ENTPD1: variants seen among roughly 807,000 people sequenced by gnomAD.
The protein encoded by ENTPD1 is ATP diphosphohydrolase.
In ENTPD1, 33 loss-of-function variants were observed where a neutral mutation model predicts 57.0. The observed-to-expected ratio is 0.58, with a 90% CI of 0.44 to 0.77. The LOEUF (loss-of-function observed/expected upper bound fraction) is 0.77. Among genes scored for constraint, ENTPD1 ranks in the 30% least tolerant of loss-of-function variants. ENTPD1 has a pLI of 0.00. For synonymous variants in ENTPD1, 202 were observed against 218.8 expected, an observed-to-expected ratio of 0.92 and a Z score of 0.68; for missense variants, 501 against 603.4, an observed-to-expected ratio of 0.83 and a Z score of 1.78.
Position 95,737,218 on chromosome 10 carries a change from C to T in ENTPD1, c.37+25225C>T, listed in dbSNP as rs544740679. 2.1e-5 allele frequency among the ~76,000 whole-genome samples: 3 copies of T among 146,246 alleles called. No homozygotes were observed. In the East Asian group the frequency reaches 5.9e-4, roughly 29 times the overall value. On this transcript the variant is annotated intron_variant, in intron 1 of 9. Transcript: ENST00000453258. ...AAATGGTTCCTGCCCTTGTGGAGCT[C>T]GTCTAGTGGGGGAGTAAGATATTAA...
rs2098481041 is a variant in ENTPD1, at chr10:95,872,029, A to T, written c.*5646A>T. 1.0e-6 allele frequency: 1 copy of T among 985,274 alleles called. No homozygotes were observed. Among genetic ancestry groups the T allele is most frequent in the African/African-American group, 1.7e-5 (1 of 57,232 alleles). The allele number at this position is 985,274 out of a possible 1,614,324, so 61.0% of individuals were successfully genotyped here. The stretch of plus-strand genomic sequence containing the variant: ...GATTAATGCCACCCCTGCCTCAATG[A>T]ACCAAGATCAGCTCCATCACTGGGA... On this transcript the variant is annotated 3_prime_UTR_variant, in exon 10 of 10. Coordinates refer to ENST00000371205, the MANE Select transcript of ENTPD1 (RefSeq NM_001776.6).
rs187713661 is a variant in ENTPD1, at chr10:95,853,440, T to C, written c.1074+5734T>C. Reference sequence around the variant, plus strand: ...CCCTTTATTTCCTTCTCCTGCCTGATTGCCCTGGCCAGAACTTCCAACACT... The same window carrying C: ...CCCTTTATTTCCTTCTCCTGCCTGACTGCCCTGGCCAGAACTTCCAACACT... On this transcript the variant is annotated intron_variant, in intron 7 of 9. Coordinates refer to ENST00000371205, the MANE Select transcript of ENTPD1 (RefSeq NM_001776.6). Among the ~76,000 whole-genome samples the C allele has an allele frequency of 6.4e-3, 980 of 152,296 alleles. 6 individuals are homozygous for C. Among genetic ancestry groups the C allele is most frequent in the African/African-American group, 0.022 (912 of 41,562 alleles).
At chr10:95,732,078 C>T (rs576354326) in intron 1 of ENTPD1, among the ~76,000 whole-genome samples, 35 of 151,768 alleles carry the variant, frequency 2.3e-4, no homozygotes, top group South Asian at 4.2e-4. Flanking sequence ...CCACTGTGTC[C>T]GGCCAGAGTG....
At chr10:95,727,474 T>C (rs2097984885) in intron 1 of ENTPD1, among the ~76,000 whole-genome samples, 1 of 152,218 alleles carries the variant, frequency 6.6e-6, no homozygotes, top group South Asian at 2.1e-4. Flanking sequence ...ATTTGTTTCA[T>C]TTATTACCCA....
At chr10:95,742,984 TAAATGAACC>T (rs975490166) in intron 1 of ENTPD1, among the ~76,000 whole-genome samples, 4 of 152,236 alleles carry the variant, frequency 2.6e-5, no homozygotes, top group African/African-American at 9.6e-5. Context: ...TTTGATACAA[TAAATGAACC>T]AATATTGATA....
intron 1 of ENTPD1, among the ~76,000 whole-genome samples, chr10:95,767,975 T>C (rs1038438805): frequency 6.6e-6 from 1 of 152,202 alleles, no homozygotes; most frequent in African/African-American, 2.4e-5. Context: ...GTGAGTTTGT[T>C]CTCTTGCTCT....
chr10:95,790,009 A>T (rs1028998392), intron 1 of ENTPD1, among the ~76,000 whole-genome samples: 3 of 152,230 alleles, frequency 2.0e-5, no homozygotes, highest in Non-Finnish European at 2.9e-5. Flanking sequence ...TAAACTTTGA[A>T]TAACAACATG....
chr10:95,739,666 C>T (rs970218676), intron 1 of ENTPD1, among the ~76,000 whole-genome samples: 1 of 152,172 alleles, frequency 6.6e-6, no homozygotes, highest in Non-Finnish European at 1.5e-5. Context: ...TCTATAAGGG[C>T]TGGAATTGAC....
chr10:95,860,344 A>G, intron 7 of ENTPD1, 125 bp from the exon 8 acceptor site: 1 of 750,016 alleles, frequency 1.3e-6, no homozygotes, highest in East Asian at 3.0e-5. Flanking sequence ...CTGCAATATC[A>G]CTTTGTGTGT....
Position 95,864,830 on chromosome 10 carries a change from ATTCCTG to A in ENTPD1, c.1296_1301del (p.Asp432_Trp434delinsGlu), listed in dbSNP as rs751421466. ...CTGCAAGGCTATCATTTCACAGCTG[ATTCCTG>A]GGAGCACATCCATTTCATTGGCAAG... On this transcript the variant is annotated inframe_deletion, in exon 9 of 10. Transcript: ENST00000371205. 1.9e-6 allele frequency: 3 copies of A among 1,612,572 alleles called. No homozygotes were observed. Among genetic ancestry groups the A allele is most frequent in the Non-Finnish European group, 1.7e-6 (2 of 1,179,828 alleles).
chr10:95,794,815 C>T (rs1437103634), intron 1 of ENTPD1, among the ~76,000 whole-genome samples: 1 of 151,988 alleles, frequency 6.6e-6, no homozygotes, highest in Admixed American at 6.6e-5. Context: ...AGGGAATGTT[C>T]TAGGCAGAGT....
chr10:95,872,438 G>T lies in ENTPD1; in HGVS notation c.*6055G>T. On this transcript the variant is annotated 3_prime_UTR_variant, in exon 10 of 10. Transcript: ENST00000371205. Reference sequence around the variant, plus strand: ...ATGACTGTTCACCCAACACCACTCAGGTTGTCTTCTCAACTTGGAATACTC... The same window carrying T: ...ATGACTGTTCACCCAACACCACTCATGTTGTCTTCTCAACTTGGAATACTC... 1 of 985,360 alleles carries T rather than the reference G, an allele frequency of 1.0e-6. No homozygotes were observed. The highest frequency in any genetic ancestry group is 1.2e-6 in the Non-Finnish European group (1 of 829,914). 61.0% of individuals were successfully genotyped at this position (985,360 alleles called of 1,614,324 possible). A position where few individuals can be genotyped will look rare whatever the true frequency, so the allele number is the denominator to read the frequency against.
rs34077465 is a variant in ENTPD1, at chr10:95,835,795, G to GTT, written c.145-3889_145-3888dup. ...TTTTTGTGTGTTTACTCTGTCACTG[G>GTT]TTTTTTTTGCTGTGCAGAAGCTCTT... On this transcript the variant is annotated intron_variant, in intron 2 of 9. Transcript: ENST00000371205. Among the ~76,000 whole-genome samples the GTT allele has an allele frequency of 2.5e-3, 380 of 151,810 alleles. 6 individuals carry two copies. Among genetic ancestry groups the GTT allele is most frequent in the East Asian group, 2.1e-3 (11 of 5,164 alleles).
chr10:95,860,613 C>T (rs2098463741), intron 8 of ENTPD1, 31 bp downstream of exon 8: 7 of 1,576,398 alleles, frequency 4.4e-6, no homozygotes, highest in African/African-American at 1.4e-5. Context: ...GCTCTAACAG[C>T]ATGAGTGCCC....
chr10:95,825,205 C>T (rs1159614306), intron 2 of ENTPD1, among the ~76,000 whole-genome samples: 1 of 152,192 alleles, frequency 6.6e-6, no homozygotes, highest in African/African-American at 2.4e-5. Flanking sequence ...CTGGTGGCTA[C>T]TGTATTGGAC....
At chr10:95,756,478 G>A (rs1036600479) in intron 1 of ENTPD1, 6 of 587,300 alleles carry the variant, frequency 1.0e-5, no homozygotes, top group Non-Finnish European at 1.8e-5. Context: ...GAGCAAGCTG[G>A]AGGGGCTCAT....
intron 1 of ENTPD1, among the ~76,000 whole-genome samples, chr10:95,776,360 C>T (rs1207229165): frequency 6.6e-6 from 1 of 152,140 alleles, no homozygotes; most frequent in Non-Finnish European, 1.5e-5. Context: ...TCAGCATTTG[C>T]TTGTCTGTAA....
In ENTPD1 at chr10:95,867,098, T is replaced by G; in HGVS notation, c.*715T>G. 1.0e-6 allele frequency: 1 copy of G among 986,612 alleles called. No individual in the cohort carries two copies. Among genetic ancestry groups the G allele is most frequent in the Non-Finnish European group, 1.2e-6 (1 of 830,796 alleles). The allele number at this position is 986,612 out of a possible 1,614,324, so 61.1% of individuals were successfully genotyped here. On this transcript the variant is annotated 3_prime_UTR_variant, in exon 10 of 10. Coordinates refer to ENST00000371205, the MANE Select transcript of ENTPD1 (RefSeq NM_001776.6). ...AAAAAGCAGATGTAAATATATGCAT[T>G]CAAACATCAGGGCTTACTATGAGGT... is the stretch of plus-strand genomic sequence containing the variant.
chr10:95,732,861 A>T (rs1237725055), intron 1 of ENTPD1, among the ~76,000 whole-genome samples: 1 of 152,188 alleles, frequency 6.6e-6, no homozygotes, highest in Non-Finnish European at 1.5e-5. Context: ...CACAGAGATC[A>T]CATGCTTCAC....
Sources: allele counts gnomAD v4.1 joint callset (sites outside exome capture counted in the v4.1 genomes callset), GRCh38; gene constraint gnomAD v4.1.1; transcripts MANE v1.5; gene names NCBI Gene and HGNC (gene_info 2026-07-23, HGNC 2026-07-21).